FLVCR2: variants seen among roughly 807,000 people sequenced by gnomAD.
The protein encoded by FLVCR2 is choline/ethanolamine transporter FLVCR2.
A neutral mutation model predicts 48.9 loss-of-function variants in FLVCR2; 38 were observed. That is an observed-to-expected ratio of 0.78 (90% CI 0.60 to 1.02). The LOEUF (loss-of-function observed/expected upper bound fraction) is 1.02. FLVCR2 is among the 50% of genes least tolerant of loss of function. The pLI is 0.00. For synonymous variants in FLVCR2, 255 were observed against 257.0 expected (o/e 0.99, Z 0.07); for missense variants, 664 against 663.3 (o/e 1.00, Z -0.01).
At chr14:75,590,255 AG>A (rs1409431061) in intron 1 of FLVCR2, among the ~76,000 whole-genome samples, 1 of 152,224 alleles carries the variant, frequency 6.6e-6, no homozygotes, top group African/African-American at 2.4e-5. Flanking sequence ...CTGTGAGATC[AG>A]CACCAAGCCG....
chr14:75,646,341 C>G, intron 9 of FLVCR2, 60 bp from the exon 10 acceptor site: 1 of 1,230,492 alleles, frequency 8.1e-7, no homozygotes, highest in Non-Finnish European at 1.2e-6. Context: ...GCAGCTGCTC[C>G]AGCCAGGGTG....
intron 9 of FLVCR2, among the ~76,000 whole-genome samples, chr14:75,643,193 C>A (rs1229468698): frequency 2.0e-5 from 3 of 152,282 alleles, no homozygotes; most frequent in Non-Finnish European, 4.4e-5. Flanking sequence ...GCATAGTGTT[C>A]CTTTATACGG....
At chr14:75,607,582 T>C (rs909110084) in intron 1 of FLVCR2, among the ~76,000 whole-genome samples, 1 of 152,160 alleles carries the variant, frequency 6.6e-6, no homozygotes, top group Non-Finnish European at 1.5e-5. Context: ...GACTTCAAGT[T>C]GCTTCAACTC....
rs990295814 is a variant in FLVCR2, at chr14:75,648,075, G to A, written c.*1603G>A. On this transcript the variant is annotated 3_prime_UTR_variant, in exon 10 of 10. Coordinates refer to ENST00000238667, the MANE Select transcript of FLVCR2 (RefSeq NM_017791.3). ...ACCCTTCAAAAGGTATTAACAAAAT[G>A]TTTACCAAACCTATTGCTTTATTTT... 1.3e-5 allele frequency: 2 copies of A among 152,650 alleles called. No individual in the cohort carries two copies. The highest frequency in any genetic ancestry group is 2.9e-5 in the Non-Finnish European group (2 of 68,050). The allele number at this position is 152,650 out of a possible 1,614,324, so 9.5% of individuals were successfully genotyped here.
intron 1 of FLVCR2, among the ~76,000 whole-genome samples, chr14:75,583,156 A>G (rs1888654440): frequency 6.6e-6 from 1 of 152,234 alleles, no homozygotes; most frequent in Non-Finnish European, 1.5e-5. Context: ...TTTGAGATCC[A>G]GAACAGAATA....
chr14:75,641,976 A>G, intron 9 of FLVCR2, 78 bp downstream of exon 9: 2 of 1,292,922 alleles, frequency 1.5e-6, no homozygotes, highest in Non-Finnish European at 2.3e-6. Flanking sequence ...TAGATGGGGC[A>G]GGGAGAACTC....
intron 1 of FLVCR2, among the ~76,000 whole-genome samples, chr14:75,606,344 A>C (rs1889290062): frequency 6.6e-6 from 1 of 152,194 alleles, no homozygotes; most frequent in South Asian, 2.1e-4. Context: ...ATGTTAAAGC[A>C]GGGTTCATTC....
intron 3 of FLVCR2, 116 bp from the exon 4 acceptor site, chr14:75,633,513 T>G: frequency 1.2e-6 from 1 of 825,544 alleles, no homozygotes; most frequent in Non-Finnish European, 2.2e-6. Context: ...AGGATACTGC[T>G]CAGAGTGGCA....
In FLVCR2 at chr14:75,620,754, A is replaced by C. The variant is rs187328923; in HGVS notation, c.670-1325A>C. The stretch of plus-strand genomic sequence containing the variant: ...CAACTATGAGTGACCACTTTTGTGA[A>C]TATTCCAGAACTGAGAACCACTAGT... On this transcript the variant is annotated intron_variant, in intron 1 of 9. Coordinates refer to ENST00000238667, the MANE Select transcript of FLVCR2 (RefSeq NM_017791.3). Among the ~76,000 whole-genome samples, 6 of 152,342 alleles carry C rather than the reference A, an allele frequency of 3.9e-5. No individual in the cohort carries two copies. The East Asian group carries it at 1.2e-3, about 29-fold the overall frequency.
At chr14:75,593,960 C>T (rs1197004272) in intron 1 of FLVCR2, among the ~76,000 whole-genome samples, 1 of 152,222 alleles carries the variant, frequency 6.6e-6, no homozygotes, top group Non-Finnish European at 1.5e-5. Context: ...TTTCTCTCCT[C>T]TCATGTTTTA....
At chr14:75,625,151 C>T (rs537937647) in intron 3 of FLVCR2, among the ~76,000 whole-genome samples, 1 of 152,272 alleles carries the variant, frequency 6.6e-6, no homozygotes, top group East Asian at 1.9e-4. Flanking sequence ...TGTTTTTCAT[C>T]TTTATAGTTC....
chr14:75,594,355 T>A (rs1888964877), intron 1 of FLVCR2, among the ~76,000 whole-genome samples: 1 of 152,250 alleles, frequency 6.6e-6, no homozygotes, highest in African/African-American at 2.4e-5. Context: ...TCTCTCCTGA[T>A]CCTCCAAATT....
In FLVCR2 at chr14:75,579,204, A is replaced by C; in HGVS notation, c.232A>C (p.Ile78Leu). 2 of 1,614,136 alleles carry C rather than the reference A, an allele frequency of 1.2e-6. No homozygotes were observed. The highest frequency in any genetic ancestry group is 1.7e-6 in the Non-Finnish European group (2 of 1,180,024). The change falls in exon 1 of 10, where the codon ATC becomes CTC. Residue 78 changes from isoleucine to leucine, a missense_variant. By Grantham distance (5) the Ile-to-Leu change is conservative. Transcript: ENST00000238667. ...CTCGGGCCCTGAGGACCTCAGCGTGATCAAGGTGAGCAGGCGCCGTTGGGC... is the reference window on the plus strand; with the variant it reads ...CTCGGGCCCTGAGGACCTCAGCGTGCTCAAGGTGAGCAGGCGCCGTTGGGC... ...SSSGPEDLSV[I>L]KVSRRRWAVV...
intron 5 of FLVCR2, among the ~76,000 whole-genome samples, chr14:75,636,648 G>T (rs984952066): frequency 3.9e-5 from 6 of 152,182 alleles, no homozygotes; most frequent in Non-Finnish European, 8.8e-5. Context: ...TCTAAATCCA[G>T]TGGTCAGCAC....
intron 1 of FLVCR2, among the ~76,000 whole-genome samples, chr14:75,587,473 C>T (rs947250794): frequency 6.6e-6 from 1 of 152,166 alleles, no homozygotes; most frequent in African/African-American, 2.4e-5. Flanking sequence ...CTGATTCTGC[C>T]TCTTCTAACC....
chr14:75,609,518 A>G (rs1475503696), intron 1 of FLVCR2, among the ~76,000 whole-genome samples: 1 of 152,076 alleles, frequency 6.6e-6, no homozygotes, highest in Non-Finnish European at 1.5e-5. Context: ...TCTGTCTGGG[A>G]TCCTGAGGCA....
At position 75,635,003 on chromosome 14, in the gene FLVCR2, A is replaced by G; in HGVS notation, c.1114A>G (p.Lys372Glu). 6.2e-7 allele frequency: 1 copy of G among 1,607,714 alleles called. No homozygotes were observed. Among genetic ancestry groups the G allele is most frequent in the Non-Finnish European group, 8.5e-7 (1 of 1,174,106 alleles). The change falls in exon 5 of 10, where the codon AAA becomes GAA. Residue 372 changes from lysine (K) to glutamate (E), a missense_variant. Transcript: ENST00000238667. The stretch of plus-strand genomic sequence containing the variant: ...CTCAGGAATCTGGCTGGATAGGTCC[A>G]AAACCTACAAGTAAGTGACTCATCC... ...VISGIWLDRS[K>E]TYKETTLVVY... is the part of the protein sequence containing the mutation.
intron 1 of FLVCR2, among the ~76,000 whole-genome samples, chr14:75,620,493 A>G (rs1219864511): frequency 1.3e-5 from 2 of 152,232 alleles, no homozygotes; most frequent in Non-Finnish European, 2.9e-5. Context: ...ATAATAAACG[A>G]TTACAGATGA....
At chr14:75,602,465 C>T (rs374002703) in intron 1 of FLVCR2, among the ~76,000 whole-genome samples, 4 of 152,166 alleles carry the variant, frequency 2.6e-5, no homozygotes, top group Non-Finnish European at 5.9e-5. Flanking sequence ...GGAGGGCTAC[C>T]TATGTCACCT....
Sources: allele counts gnomAD v4.1 joint callset (sites outside exome capture counted in the v4.1 genomes callset), GRCh38; gene constraint gnomAD v4.1.1; transcripts MANE v1.5; gene names NCBI Gene and HGNC (gene_info 2026-07-23, HGNC 2026-07-21).